Variants in CACNA1F observed in about 807,000 individuals in gnomAD.
The protein encoded by CACNA1F is voltage-dependent L-type calcium channel subunit alpha-1F.
Under a neutral mutation model 143.8 loss-of-function variants are expected in CACNA1F, and 59 were observed. The ratio of observed to expected loss-of-function variants is 0.41; its 90% CI spans 0.33 to 0.51. CACNA1F has a LOEUF of 0.51. Ranked by LOEUF, CACNA1F falls within the 20% of genes least tolerant of loss-of-function variation. CACNA1F has a pLI of 0.22. For missense variants in CACNA1F, 1,411 were observed against 1,647.5 expected, an observed-to-expected ratio of 0.86 and a Z score of 2.48; for synonymous variants, 643 against 649.1, an observed-to-expected ratio of 0.99 and a Z score of 0.14.
At chrX:49,210,848 T>C in intron 37 of CACNA1F, 117 bp downstream of exon 37, 1 of 932,172 alleles carries the variant, frequency 1.1e-6, no homozygotes, top group South Asian at 2.1e-5. Context: ...CAGTGGAAAC[T>C]TTGGGGCATC....
chrX:49,213,997 G>T, intron 30 of CACNA1F, 95 bp from the exon 31 acceptor site: 1 of 672,842 alleles, frequency 1.5e-6, no homozygotes. Context: ...GGGGGGCAGG[G>T]CTTCGCTTGG....
rs782572450 is a variant in CACNA1F, at chrX:49,223,095, T to C, written c.1919A>G (p.Asn640Ser). ...CAAGGATGCGATGGATTTCATTGAA[T>C]TGAGCAGGGATGCCACCAGATTGCT... The part of the protein sequence containing the change: ...SLSNLVASLL[N>S]SMKSIASLLL... Residue 640 changes from asparagine (N) to serine (S), a missense_variant, in exon 15 of 48, where the codon AAT becomes AGT. Physicochemically the swap from Asn to Ser is conservative, Grantham distance 46. Transcript: ENST00000323022. The C allele has an allele frequency of 1.0e-5, 12 of 1,201,806 alleles. No individual in the cohort carries two copies. The African/African-American group carries it at 1.6e-4, about 16-fold the overall frequency.
chrX:49,213,070 T>C, intron 31 of CACNA1F, 76 bp from the exon 32 acceptor site: 1 of 881,308 alleles, frequency 1.1e-6, no homozygotes, highest in Non-Finnish European at 1.6e-6. Flanking sequence ...CAAGGTGAGA[T>C]ATGATGGAGC....
rs782204596 is a variant in CACNA1F at position 49,215,404 on chromosome X, T to C, written c.3376A>G (p.Ile1126Val). 8.3e-7 allele frequency: 1 copy of C among 1,210,574 alleles called. No individual in the cohort carries two copies. Among genetic ancestry groups the C allele is most frequent in the African/African-American group, 1.7e-5 (1 of 57,573 alleles). The change falls in exon 28 of 48, where the codon ATC becomes GTC. Residue 1126 changes from isoleucine to valine, a missense_variant. Around this residue, in one of 3 missense-constraint regions of CACNA1F, gnomAD observed 950 missense variants for 1,128.1 expected, o/e 0.84. Transcript: ENST00000323022. ...FMMNIFVGFV[I>V]ITFRAQGEQE... The stretch of plus-strand genomic sequence containing the variant: ...TCGCCCTGGGCACGGAAAGTGATGA[T>C]GACGAAGCCCACGAAGATGTTCATC...
At chrX:49,207,203 C>T (rs1420752649) in intron 43 of CACNA1F, 91 bp from the exon 44 acceptor site, 4 of 542,027 alleles carry the variant, frequency 7.4e-6, no homozygotes, top group Non-Finnish European at 1.3e-5. Context: ...CCAACCCTTA[C>T]AGAAACACTG....
Position 49,205,283 on chromosome X carries a change from G to C in CACNA1F, c.5755C>G (p.Arg1919Gly), listed in dbSNP as rs782490974. Residue 1919 changes from arginine (R) to glycine (G), a missense_variant, in exon 48 of 48, where the codon CGC becomes GGC. Arg to Gly is a moderately radical substitution (Grantham distance 125). Around this residue, in one of 3 missense-constraint regions of CACNA1F, gnomAD observed 349 missense variants for 350.2 expected, o/e 1.00. Transcript: ENST00000323022. ...TTGTCCATCTCATCCAGCGTCAGGC[G>C]ACACGCATCTGCAATCTCCTGCTTG... ...LAKQEIADAC[R>G]LTLDEMDNAA... is the part of the protein sequence containing the mutation. 5 of 1,207,424 alleles carry C rather than the reference G, an allele frequency of 4.1e-6. No individual in the cohort carries two copies. Among genetic ancestry groups the C allele is most frequent in the African/African-American group, 1.8e-5 (1 of 56,759 alleles).
At chrX:49,229,573 C>T (rs2065856932) in intron 6 of CACNA1F, among the ~76,000 whole-genome samples, 2 of 112,713 alleles carry the variant, frequency 1.8e-5, no homozygotes, top group South Asian at 7.2e-4. Flanking sequence ...CCTCGGCCTC[C>T]CAAATGCCGG....
rs372354609 is a variant in CACNA1F at position 49,210,653 on chromosome X, C to T, written c.4422G>A (p.Leu1474=). Residue 1474 remains leucine, a synonymous_variant, in exon 38 of 48, where the codon CTG becomes CTA. Transcript: ENST00000323022. ...CCAGAGGGGGCTGGATACGTCTCAG[C>T]AGGGCAACCACATCCAAGTGTTTGA... ...GRIKHLDVVA[L]LRRIQPPLGF... is the part of the protein sequence containing the mutation. The T allele has an allele frequency of 8.3e-6, 10 of 1,210,708 alleles. No homozygotes were observed. Among genetic ancestry groups the T allele is most frequent in the Non-Finnish European group, 1.1e-5 (10 of 894,948 alleles).
chrX:49,219,929 T>C, intron 19 of CACNA1F, 139 bp from the exon 20 acceptor site: 1 of 504,148 alleles, frequency 2.0e-6, no homozygotes, highest in Non-Finnish European at 3.5e-6. Context: ...TTAGTCTGTT[T>C]TGTATGCTGC....
chrX:49,230,668 C>G, intron 4 of CACNA1F, 59 bp from the exon 5 acceptor site: 1 of 1,119,572 alleles, frequency 8.9e-7, no homozygotes, highest in Non-Finnish European at 1.2e-6. Context: ...CCCCCCTCCA[C>G]CCTAACCTTC....
At chrX:49,225,284 G>A (rs2065813150) in intron 13 of CACNA1F, among the ~76,000 whole-genome samples, 2 of 110,922 alleles carry the variant, frequency 1.8e-5, no homozygotes, top group South Asian at 7.7e-4. Context: ...CGGGACTGGG[G>A]CTGGTTTGTG....
At chrX:49,208,755 C>T in intron 42 of CACNA1F, 71 bp from the exon 43 acceptor site, 19 of 954,068 alleles carry the variant, frequency 2.0e-5, no homozygotes, top group Non-Finnish European at 2.7e-5. Context: ...TAACATGTCT[C>T]CCCCACAGGT....
At position 49,232,754 on chromosome X, in the gene CACNA1F, T is replaced by C. The variant is rs1156686265; in HGVS notation, c.25+531A>G. On this transcript the variant is annotated intron_variant, in intron 1 of 47. Coordinates refer to ENST00000323022, the MANE Select transcript of CACNA1F (RefSeq NM_001256789.3). Reference sequence around the variant, plus strand: ...AATGGGGAGTCACACTCAGTCTAACTCTAGAGCCCTCATGGCTTACTACCA... The same window carrying C: ...AATGGGGAGTCACACTCAGTCTAACCCTAGAGCCCTCATGGCTTACTACCA... Among the ~76,000 whole-genome samples the C allele has an allele frequency of 3.6e-5, 4 of 111,457 alleles. No homozygotes were observed. In the East Asian group the frequency reaches 1.1e-3, roughly 31 times the overall value.
chrX:49,215,332 C>T lies in CACNA1F; in HGVS notation c.3438+10G>A, dbSNP rs199912425. The T allele has an allele frequency of 3.5e-5, 42 of 1,206,511 alleles. No homozygotes were observed. The Admixed American group carries it at 9.0e-4, about 26-fold the overall frequency. Reference sequence around the variant, plus strand: ...TGACCATCCATAGGGGGTCAGGGGTCAGAGGTCACCTGGTTCTTGTCCAGC... The same window carrying T: ...TGACCATCCATAGGGGGTCAGGGGTTAGAGGTCACCTGGTTCTTGTCCAGC... On this transcript the variant is annotated intron_variant, in intron 28 of 47. Coordinates refer to ENST00000323022, the MANE Select transcript of CACNA1F (RefSeq NM_001256789.3).
intron 6 of CACNA1F, among the ~76,000 whole-genome samples, chrX:49,228,813 C>G (rs1347662446): frequency 1.8e-5 from 2 of 112,218 alleles, no homozygotes; most frequent in East Asian, 2.8e-4. Context: ...GTGATCCGCC[C>G]GCCTCGGCCT....
intron 35 of CACNA1F, 58 bp downstream of exon 35, chrX:49,211,840 A>T: frequency 1.0e-6 from 1 of 961,475 alleles, no homozygotes; most frequent in Non-Finnish European, 1.5e-6. Flanking sequence ...TCTGGGGCTC[A>T]GAGAGGGTGG....
In CACNA1F at chrX:49,225,903, G is replaced by A. The variant is rs372176200; in HGVS notation, c.1651+6C>T. 4.7e-5 allele frequency: 55 copies of A among 1,164,338 alleles called. No homozygotes were observed. The highest frequency in any genetic ancestry group is 6.1e-5 in the Non-Finnish European group (53 of 871,498). ...GGGGGAGACGACTAGCAGGCTGGGG[G>A]TGTACCCTGGATCTGGGTGAGCCAC... is the stretch of plus-strand genomic sequence containing the variant. On this transcript the variant is annotated splice_donor_region_variant and intron_variant, in intron 13 of 47. Coordinates refer to ENST00000323022, the MANE Select transcript of CACNA1F (RefSeq NM_001256789.3).
chrX:49,220,757 T>C (rs977402112), intron 18 of CACNA1F, among the ~76,000 whole-genome samples: 3 of 111,674 alleles, frequency 2.7e-5, no homozygotes, highest in African/African-American at 9.8e-5. Context: ...GCCAACATGG[T>C]GAAACCCTGT....
chrX:49,214,376 C>T lies in CACNA1F; in HGVS notation c.3598-107G>A. ...AGACGAGTCTGGGGACTTGATTGCA[C>T]TGTGTATTGGTCAAACCTCTTGCAC... On this transcript the variant is annotated intron_variant, in intron 29 of 47. Coordinates refer to ENST00000323022, the MANE Select transcript of CACNA1F (RefSeq NM_001256789.3). 3 of 540,812 alleles carry T rather than the reference C, an allele frequency of 5.5e-6. No homozygotes were observed. In the South Asian group the frequency reaches 7.1e-5, roughly 13 times the overall value. 44.6% of individuals were successfully genotyped at this position (540,812 alleles called of 1,213,427 possible).
Sources: gnomAD v4.1 joint callset for allele counts (sites outside exome capture counted in the v4.1 genomes callset) on GRCh38, gnomAD v4.1.1 for gene constraint, gnomAD v4.1.1 regional missense constraint, MANE v1.5 for transcripts, NCBI Gene and HGNC (gene_info 2026-07-23, HGNC 2026-07-21) for gene names.